Variants in CAMTA1 observed in about 807,000 individuals in gnomAD.
CAMTA1 encodes the protein calmodulin-binding transcription activator 1.
Under a neutral mutation model 170.9 loss-of-function variants are expected in CAMTA1, and 27 were observed. That is an observed-to-expected ratio of 0.16 (90% CI 0.12 to 0.22). The LOEUF is 0.22. Ranked by LOEUF, CAMTA1 falls within the 10% of genes least tolerant of loss-of-function variation. The pLI is 1.00. For missense variants in CAMTA1, 1,619 were observed against 2,217.2 expected (o/e 0.73, Z 5.42); for synonymous variants, 833 against 891.5 (o/e 0.93, Z 1.17).
intron 6 of CAMTA1, among the ~76,000 whole-genome samples, chr1:7,524,530 A>T (rs1221649003): frequency 6.6e-6 from 1 of 152,112 alleles, no homozygotes; most frequent in Non-Finnish European, 1.5e-5. Context: ...GGGCGGTGCA[A>T]GCAGACATCC....
intron 3 of CAMTA1, among the ~76,000 whole-genome samples, chr1:6,991,776 G>A (rs1011933809): frequency 6.6e-6 from 1 of 152,122 alleles, no homozygotes; most frequent in Non-Finnish European, 1.5e-5. Flanking sequence ...TCGGTTTACT[G>A]CAGTCTCCCC....
chr1:7,370,988 T>C (rs2086412914), intron 5 of CAMTA1, among the ~76,000 whole-genome samples: 1 of 141,054 alleles, frequency 7.1e-6, no homozygotes, highest in African/African-American at 2.6e-5. Flanking sequence ...CTCGGCTCAC[T>C]GCAAGCTCCA....
chr1:6,867,164 T>G (rs1458562773), intron 3 of CAMTA1, among the ~76,000 whole-genome samples: 1 of 152,258 alleles, frequency 6.6e-6, no homozygotes, highest in African/African-American at 2.4e-5. Flanking sequence ...ACTATGATAA[T>G]GAGCATGTTA....
intron 6 of CAMTA1, among the ~76,000 whole-genome samples, chr1:7,476,142 A>G (rs1015373340): frequency 2.6e-5 from 4 of 152,174 alleles, no homozygotes; most frequent in African/African-American, 9.7e-5. Flanking sequence ...TGAGCTGACC[A>G]TGGGCACACT....
chr1:7,664,388 C>T lies in CAMTA1; in HGVS notation c.1841C>T (p.Pro614Leu), dbSNP rs773485603. 1.9e-5 allele frequency: 30 copies of T among 1,613,590 alleles called. No individual in the cohort carries two copies. Among genetic ancestry groups the T allele is most frequent in the African/African-American group, 6.7e-5 (5 of 74,942 alleles). The change falls in exon 9 of 23, where the codon CCG becomes CTG. Residue 614 changes from proline (P) to leucine (L), a missense_variant. This residue lies in a region of CAMTA1 where 731 missense variants were observed against 907.6 expected (regional missense o/e 0.81). Transcript: ENST00000303635. ...CCCCACATCCACCAGACCCCCTCCC[C>T]GAGCTTCTTCCTGCAGGACGCCAGC... ...HSPHIHQTPS[P>L]SFFLQDASKP...
chr1:7,041,859 G>T lies in CAMTA1; in HGVS notation c.235-49445G>T, dbSNP rs1704515889. Reference sequence around the variant, plus strand: ...GGAGGATCTGTCATTAGTGTTTGGGGATTTGACTGAAGCCTCCACACTATG... The same window carrying T: ...GGAGGATCTGTCATTAGTGTTTGGGTATTTGACTGAAGCCTCCACACTATG... On this transcript the variant is annotated intron_variant, in intron 3 of 22. Coordinates refer to ENST00000303635, the MANE Select transcript of CAMTA1 (RefSeq NM_015215.4). This position sits in a 1 kb window ranked among gnomAD's most constrained non-coding sequence, Gnocchi z 5.1. 6.6e-6 allele frequency among the ~76,000 whole-genome samples: 1 copy of T among 152,190 alleles called. No individual in the cohort carries two copies. Among genetic ancestry groups the T allele is most frequent in the Non-Finnish European group, 1.5e-5 (1 of 68,042 alleles).
At chr1:6,991,233 T>C (rs1343188431) in intron 3 of CAMTA1, among the ~76,000 whole-genome samples, 1 of 152,200 alleles carries the variant, frequency 6.6e-6, no homozygotes, top group African/African-American at 2.4e-5. Context: ...GATGTGTGTT[T>C]TTATTTCTTT....
chr1:6,933,043 ATGGTGT>A (rs775455031), intron 3 of CAMTA1, among the ~76,000 whole-genome samples: 4 of 151,472 alleles, frequency 2.6e-5, no homozygotes, highest in Admixed American at 6.6e-5. Context: ...GATCATGCTC[ATGGTGT>A]TGTATCTAAG....
In CAMTA1 at chr1:7,570,158, G is replaced by T. The variant is rs2095108373; in HGVS notation, c.511-70242G>T. On this transcript the variant is annotated intron_variant, in intron 6 of 22. Coordinates refer to ENST00000303635, the MANE Select transcript of CAMTA1 (RefSeq NM_015215.4). The surrounding 1 kb of genome is among the most constrained non-coding windows in gnomAD (Gnocchi z 4.3). ...CAGGGATCCCTTGCTGGGCACTGGGGGGATCCAAAACTCCCTGCAGGACTG... is the reference window on the plus strand; with the variant it reads ...CAGGGATCCCTTGCTGGGCACTGGGTGGATCCAAAACTCCCTGCAGGACTG... 6.6e-6 allele frequency among the ~76,000 whole-genome samples: 1 copy of T among 152,046 alleles called. No individual in the cohort carries two copies. The highest frequency in any genetic ancestry group is 2.4e-5 in the African/African-American group (1 of 41,400).
In CAMTA1 at chr1:7,748,237, TAAAACAAA is replaced by T. The variant is rs993070333; in HGVS notation, c.4689+457_4689+464del. 8.1e-5 allele frequency among the ~76,000 whole-genome samples: 9 copies of T among 110,674 alleles called. No individual in the cohort carries two copies. Among genetic ancestry groups the T allele is most frequent in the African/African-American group, 2.7e-4 (7 of 25,914 alleles). The allele number at this position is 110,674 out of a possible 152,430, so 72.6% of individuals were successfully genotyped here. ...AGAGACTTAATTTGAACTGCCATGATAAAACAAACAAACAAACAAACAAACAAACAAAC... is the reference window on the plus strand; with the variant it reads ...AGAGACTTAATTTGAACTGCCATGATCAAACAAACAAACAAACAAACAAAC... On this transcript the variant is annotated intron_variant, in intron 19 of 22. Coordinates refer to ENST00000303635, the MANE Select transcript of CAMTA1 (RefSeq NM_015215.4). The surrounding 1 kb of genome is among the most constrained non-coding windows in gnomAD (Gnocchi z 4.7).
At chr1:7,062,829 A>G (rs1434150537) in intron 3 of CAMTA1, among the ~76,000 whole-genome samples, 1 of 152,118 alleles carries the variant, frequency 6.6e-6, no homozygotes, top group Non-Finnish European at 1.5e-5. Context: ...AGCGTCTGCT[A>G]TTCACTGCCT....
At chr1:7,437,851 C>T (rs2092396533) in intron 5 of CAMTA1, among the ~76,000 whole-genome samples, 1 of 152,212 alleles carries the variant, frequency 6.6e-6, no homozygotes, top group South Asian at 2.1e-4. Flanking sequence ...GCGGTGTGTC[C>T]AGCACATGGG....
At position 7,664,242 on chromosome 1, in the gene CAMTA1, C is replaced by A; in HGVS notation, c.1695C>A (p.Gly565=). The A allele has an allele frequency of 6.2e-7, 1 of 1,612,696 alleles. No individual in the cohort carries two copies. Among genetic ancestry groups the A allele is most frequent in the Non-Finnish European group, 8.5e-7 (1 of 1,179,952 alleles). ...CCAGCTCCCTCACCCTGACCGCCGG[C>A]TCCAGCCTCCTGCCGTCGGGCGGCG... is the stretch of plus-strand genomic sequence containing the variant. The part of the protein sequence containing the change: ...VAASSLTLTA[G]SSLLPSGGGL... The change falls in exon 9 of 23, where the codon GGC becomes GGA. Residue 565 remains glycine (G), a synonymous_variant. Coordinates refer to ENST00000303635, the MANE Select transcript of CAMTA1 (RefSeq NM_015215.4).
intron 9 of CAMTA1, among the ~76,000 whole-genome samples, chr1:7,669,656 C>T (rs999700577): frequency 6.6e-5 from 10 of 152,376 alleles, no homozygotes; most frequent in East Asian, 5.8e-4. Flanking sequence ...CTAGGTGGTG[C>T]TCTCCGCCCT....
chr1:7,335,772 TAA>T (rs5772272), intron 5 of CAMTA1, among the ~76,000 whole-genome samples: 6,359 of 142,736 alleles, frequency 0.045, 304 homozygotes, highest in African/African-American at 0.12. Context: ...TAGATAACGT[TAA>T]AAAAAAAAAA....
chr1:7,487,543 G>A (rs1051081481), intron 6 of CAMTA1, among the ~76,000 whole-genome samples: 2 of 152,206 alleles, frequency 1.3e-5, no homozygotes, highest in East Asian at 1.9e-4. Context: ...AGCTCTGTCT[G>A]GACGTCCATG....
At chr1:7,460,957 C>G (rs1198839420) in intron 5 of CAMTA1, among the ~76,000 whole-genome samples, 1 of 152,168 alleles carries the variant, frequency 6.6e-6, no homozygotes, top group Non-Finnish European at 1.5e-5. Flanking sequence ...ACGTGGTGCT[C>G]TCTGACCCCT....
rs1572819009 is a variant in CAMTA1 at position 7,067,975 on chromosome 1, G to A, written c.235-23329G>A. Among the ~76,000 whole-genome samples the A allele has an allele frequency of 6.6e-6, 1 of 152,314 alleles. No homozygotes were observed. Among genetic ancestry groups the A allele is most frequent in the African/African-American group, 2.4e-5 (1 of 41,560 alleles). On this transcript the variant is annotated intron_variant, in intron 3 of 22. Transcript: ENST00000303635. This position sits in a 1 kb window ranked among gnomAD's most constrained non-coding sequence, Gnocchi z 4.3. ...GACTTTGGAAAATGTGATGGTTATGGGAGGCCGCTATGGTCACCTTGCAGC... is the reference window on the plus strand; with the variant it reads ...GACTTTGGAAAATGTGATGGTTATGAGAGGCCGCTATGGTCACCTTGCAGC...
intron 5 of CAMTA1, among the ~76,000 whole-genome samples, chr1:7,418,029 G>A (rs771047435): frequency 6.6e-6 from 1 of 152,088 alleles, no homozygotes; most frequent in Non-Finnish European, 1.5e-5. Flanking sequence ...TCCTCAGCTA[G>A]TCTTGGGTAC....
Sources: allele counts gnomAD v4.1 joint callset (sites outside exome capture counted in the v4.1 genomes callset), GRCh38; gene constraint gnomAD v4.1.1; regional missense constraint gnomAD v4.1.1; non-coding constraint Gnocchi (gnomAD v3.1); transcripts MANE v1.5; gene names NCBI Gene and HGNC (gene_info 2026-07-23, HGNC 2026-07-21).